The following KCNB2 variants were observed in gnomAD, a reference collection of about 807,000 sequenced individuals.
KCNB2 encodes the protein delayed rectifier potassium channel protein.
In KCNB2, 15 loss-of-function variants were observed where a neutral mutation model predicts 61.5. The ratio of observed to expected loss-of-function variants is 0.24; its 90% CI spans 0.16 to 0.38. KCNB2 has a LOEUF of 0.38. Among genes scored for constraint, KCNB2 ranks in the 10% least tolerant of loss-of-function variants. The pLI is 1.00. For synonymous variants in KCNB2, 457 were observed against 446.0 expected, an observed-to-expected ratio of 1.02 and a Z score of -0.31; for missense variants, 828 against 1,125.2, an observed-to-expected ratio of 0.74 and a Z score of 3.78.
intron 2 of KCNB2, among the ~76,000 whole-genome samples, chr8:72,642,770 C>T (rs2128985832): frequency 6.6e-6 from 1 of 152,268 alleles, no homozygotes; most frequent in South Asian, 2.1e-4. Context: ...CTGCAATCTT[C>T]AGAGCTTCTT....
At chr8:72,693,242 G>A (rs967879853) in intron 2 of KCNB2, among the ~76,000 whole-genome samples, 1 of 152,128 alleles carries the variant, frequency 6.6e-6, no homozygotes, top group African/African-American at 2.4e-5. Context: ...GGAAGGGTGG[G>A]CAGGGCTTGG....
intron 2 of KCNB2, among the ~76,000 whole-genome samples, chr8:72,658,541 T>C (rs1437554327): frequency 6.6e-6 from 1 of 152,162 alleles, no homozygotes; most frequent in Non-Finnish European, 1.5e-5. Context: ...GCTAAAATCA[T>C]TGGTGAAGGT....
At chr8:72,916,203 T>G (rs1217743460) in intron 2 of KCNB2, among the ~76,000 whole-genome samples, 2 of 152,200 alleles carry the variant, frequency 1.3e-5, no homozygotes, top group East Asian at 3.9e-4. Flanking sequence ...TTAAATCACT[T>G]TTTCTCCCAC....
intron 1 of KCNB2, among the ~76,000 whole-genome samples, chr8:72,554,696 G>C (rs1489011800): frequency 6.6e-6 from 1 of 151,932 alleles, no homozygotes; most frequent in Non-Finnish European, 1.5e-5. Flanking sequence ...TATAAATTTT[G>C]TATTTTCAAC....
At chr8:72,928,631 T>C (rs1806706875) in intron 2 of KCNB2, among the ~76,000 whole-genome samples, 1 of 151,912 alleles carries the variant, frequency 6.6e-6, no homozygotes, top group South Asian at 2.1e-4. Context: ...TATGACCTTT[T>C]ATTACTTTCC....
intron 2 of KCNB2, among the ~76,000 whole-genome samples, chr8:72,870,570 A>G (rs577435811): frequency 6.6e-6 from 1 of 152,242 alleles, no homozygotes; most frequent in African/African-American, 2.4e-5. Context: ...GAAACAGTAT[A>G]GGGTAAGGGT....
intron 2 of KCNB2, among the ~76,000 whole-genome samples, chr8:72,829,587 C>T (rs979850692): frequency 1.3e-5 from 2 of 152,150 alleles, no homozygotes; most frequent in African/African-American, 4.8e-5. Flanking sequence ...TTTACTACCT[C>T]ACAGATGGGG....
At chr8:72,868,363 A>C (rs1434642357) in intron 2 of KCNB2, among the ~76,000 whole-genome samples, 4 of 151,788 alleles carry the variant, frequency 2.6e-5, no homozygotes, top group Non-Finnish European at 4.4e-5. Context: ...GCGGATCACG[A>C]GGTCAAGAGA....
intron 2 of KCNB2, among the ~76,000 whole-genome samples, chr8:72,847,573 A>C (rs571840417): frequency 1.2e-4 from 19 of 152,266 alleles, no homozygotes; most frequent in African/African-American, 4.3e-4. Context: ...CATCTTTACC[A>C]CCAACCAAGG....
At chr8:72,718,220 T>C (rs1253042730) in intron 2 of KCNB2, among the ~76,000 whole-genome samples, 2 of 152,208 alleles carry the variant, frequency 1.3e-5, no homozygotes, top group Non-Finnish European at 2.9e-5. Flanking sequence ...TTGGTGGGAC[T>C]GTAAACTAGT....
intron 2 of KCNB2, among the ~76,000 whole-genome samples, chr8:72,783,480 G>T (rs192402863): frequency 2.2e-4 from 34 of 152,086 alleles, no homozygotes; most frequent in African/African-American, 7.5e-4. Flanking sequence ...TGCAATTGCC[G>T]GTCCCTCTGC....
chr8:72,711,096 C>T (rs951292460), intron 2 of KCNB2, among the ~76,000 whole-genome samples: 1 of 152,220 alleles, frequency 6.6e-6, no homozygotes, highest in Non-Finnish European at 1.5e-5. Flanking sequence ...AGGACCCTGA[C>T]TGATGGAGCG....
intron 2 of KCNB2, among the ~76,000 whole-genome samples, chr8:72,883,642 TC>T (rs1426855743): frequency 1.3e-5 from 2 of 152,052 alleles, no homozygotes; most frequent in African/African-American, 4.8e-5. Context: ...TAGCTGAAGC[TC>T]CCCCCAGTAT....
At chr8:72,676,941 C>A (rs1309827069) in intron 2 of KCNB2, among the ~76,000 whole-genome samples, 1 of 152,090 alleles carries the variant, frequency 6.6e-6, no homozygotes, top group Non-Finnish European at 1.5e-5. Flanking sequence ...CTGCCAAATT[C>A]ATCTGTTGAA....
At chr8:72,816,161 A>G (rs1332596853) in intron 2 of KCNB2, among the ~76,000 whole-genome samples, 1 of 152,154 alleles carries the variant, frequency 6.6e-6, no homozygotes, top group Non-Finnish European at 1.5e-5. Context: ...ATGAAAATAG[A>G]TTTCCTTAAA....
intron 2 of KCNB2, among the ~76,000 whole-genome samples, chr8:72,590,022 A>G (rs1007246806): frequency 6.6e-6 from 1 of 151,890 alleles, no homozygotes; most frequent in Non-Finnish European, 1.5e-5. Flanking sequence ...ATTATCCACA[A>G]ATTTCACTGA....
At chr8:72,707,770 A>G (rs1408874819) in intron 2 of KCNB2, among the ~76,000 whole-genome samples, 1 of 152,182 alleles carries the variant, frequency 6.6e-6, no homozygotes, top group Non-Finnish European at 1.5e-5. Flanking sequence ...AATCATCTAG[A>G]TATGATTTGG....
At chr8:72,773,537 A>G (rs1009638819) in intron 2 of KCNB2, among the ~76,000 whole-genome samples, 2 of 152,168 alleles carry the variant, frequency 1.3e-5, no homozygotes, top group African/African-American at 2.4e-5. Context: ...GAATTTCTCC[A>G]TGGTGGGAGG....
At chr8:72,928,529 T>A (rs967816058) in intron 2 of KCNB2, among the ~76,000 whole-genome samples, 10 of 152,136 alleles carry the variant, frequency 6.6e-5, no homozygotes, top group Non-Finnish European at 1.5e-4. Flanking sequence ...ATCTAAGATG[T>A]TGTATGTATG....
Sources: allele counts gnomAD v4.1 joint callset (sites outside exome capture counted in the v4.1 genomes callset), GRCh38; gene constraint gnomAD v4.1.1; transcripts MANE v1.5; gene names NCBI Gene and HGNC (gene_info 2026-07-23, HGNC 2026-07-21).